Variants in RNF130 observed in about 807,000 individuals in gnomAD.
The protein encoded by RNF130 is ring finger protein 130, also known as E3 ubiquitin-protein ligase RNF130.
Under a neutral mutation model 44.6 loss-of-function variants are expected in RNF130, and 21 were observed. The observed-to-expected ratio is 0.47, with a 90% CI of 0.33 to 0.68. The LOEUF (loss-of-function observed/expected upper bound fraction) is 0.68. RNF130 is among the 30% of genes least tolerant of loss of function. RNF130 has a pLI of 0.02. For missense variants in RNF130, 479 were observed against 560.6 expected, an observed-to-expected ratio of 0.85 and a Z score of 1.47; for synonymous variants, 214 against 210.4, an observed-to-expected ratio of 1.02 and a Z score of -0.15.
intron 1 of RNF130, among the ~76,000 whole-genome samples, chr5:180,070,040 A>C (rs1765208602): frequency 6.6e-6 from 1 of 152,178 alleles, no homozygotes; most frequent in South Asian, 2.1e-4. Flanking sequence ...ACAACACTGC[A>C]GAGGACCAGC....
chr5:180,023,942 A>G (rs1034744150), intron 2 of RNF130, among the ~76,000 whole-genome samples: 1 of 152,244 alleles, frequency 6.6e-6, no homozygotes, highest in East Asian at 1.9e-4. Context: ...ACCAAAGTCA[A>G]CATCACTGGT....
chr5:179,988,656 C>T (rs2113025136), intron 3 of RNF130, among the ~76,000 whole-genome samples: 1 of 152,220 alleles, frequency 6.6e-6, no homozygotes, highest in South Asian at 2.1e-4. Context: ...ATTCATCAAC[C>T]TTATGGCAGT....
chr5:179,916,250 C>T (rs944442714), exon 8 of RNF130: 3 of 152,232 alleles, frequency 2.0e-5, no homozygotes, highest in East Asian at 3.9e-4. Flanking sequence ...TAGCTTCAGC[C>T]GGGCGTGCGT....
chr5:179,950,003 T>C (rs1762101332), intron 7 of RNF130, among the ~76,000 whole-genome samples: 1 of 152,228 alleles, frequency 6.6e-6, no homozygotes, highest in East Asian at 1.9e-4. Flanking sequence ...TTGAAGCTGT[T>C]TTCCTGGGTG....
intron 1 of RNF130, among the ~76,000 whole-genome samples, chr5:180,055,440 T>TTGTG (rs1554107240): frequency 2.0e-5 from 3 of 150,664 alleles, no homozygotes; most frequent in Non-Finnish European, 4.4e-5. Flanking sequence ...TCAGATGACT[T>TTGTG]TGTGTGTGTG....
At chr5:180,036,443 T>A (rs916190030) in intron 2 of RNF130, among the ~76,000 whole-genome samples, 3 of 152,196 alleles carry the variant, frequency 2.0e-5, no homozygotes, top group Non-Finnish European at 4.4e-5. Context: ...AAACTGCCAG[T>A]CCTTGCAGCC....
chr5:179,923,745 C>T (rs1264543298), intron 7 of RNF130, among the ~76,000 whole-genome samples: 1 of 152,180 alleles, frequency 6.6e-6, no homozygotes, highest in Non-Finnish European at 1.5e-5. Flanking sequence ...GAACCTATTT[C>T]GGTCCTGGGG....
At chr5:179,966,779 T>C (rs771391419) in intron 7 of RNF130, 27 bp downstream of exon 7, 17 of 1,599,380 alleles carry the variant, frequency 1.1e-5, no homozygotes, top group Non-Finnish European at 1.5e-5. Flanking sequence ...CCACATGCCC[T>C]GTGCCTGAGC....
rs546361631 is a variant in RNF130, at chr5:180,061,577, T to C, written c.247+9879A>G. 3.3e-5 allele frequency among the ~76,000 whole-genome samples: 5 copies of C among 152,282 alleles called. No homozygotes were observed. In the South Asian group the frequency reaches 1.0e-3, roughly 32 times the overall value. ...CCCAGCGTCTGATGGCTGCTAGCCA[T>C]CCTTTGCACCCGCCGGTTTGTGGCA... is the stretch of plus-strand genomic sequence containing the variant. On this transcript the variant is annotated intron_variant, in intron 1 of 8. Transcript: ENST00000521389.
chr5:179,949,497 TA>T (rs910396885), intron 7 of RNF130, among the ~76,000 whole-genome samples: 39 of 147,882 alleles, frequency 2.6e-4, no homozygotes, highest in African/African-American at 6.0e-4. Flanking sequence ...AAAAATACTT[TA>T]AAAAAAAAAG....
At chr5:179,941,468 G>A (rs1276426074) in intron 7 of RNF130, among the ~76,000 whole-genome samples, 1 of 152,194 alleles carries the variant, frequency 6.6e-6, no homozygotes, top group African/African-American at 2.4e-5. Flanking sequence ...TGGAAGGCCT[G>A]GGATGGTTAT....
At chr5:180,062,312 T>C (rs560871824) in intron 1 of RNF130, among the ~76,000 whole-genome samples, 87 of 151,984 alleles carry the variant, frequency 5.7e-4, no homozygotes, top group African/African-American at 2.1e-3. Context: ...CACCTGCCTC[T>C]GCCTCCCAAA....
intron 1 of RNF130, among the ~76,000 whole-genome samples, chr5:180,056,190 T>C (rs1764816554): frequency 6.6e-6 from 1 of 151,456 alleles, no homozygotes; most frequent in Non-Finnish European, 1.5e-5. Context: ...CTATCAGAAA[T>C]ATAGATTTAT....
intron 6 of RNF130, among the ~76,000 whole-genome samples, chr5:179,969,105 G>C (rs1366441791): frequency 6.6e-6 from 1 of 152,178 alleles, no homozygotes; most frequent in African/African-American, 2.4e-5. Flanking sequence ...TAAACTTTTT[G>C]TTCCATAAGG....
At chr5:180,049,593 A>C (rs1014368281) in intron 1 of RNF130, among the ~76,000 whole-genome samples, 5 of 152,130 alleles carry the variant, frequency 3.3e-5, no homozygotes, top group African/African-American at 1.2e-4. Flanking sequence ...AAGTATTTTA[A>C]ATACTTTGAT....
intron 3 of RNF130, among the ~76,000 whole-genome samples, chr5:180,012,058 C>T (rs1017537398): frequency 8.5e-5 from 13 of 152,060 alleles, no homozygotes; most frequent in African/African-American, 2.7e-4. Context: ...TCACAGTCAG[C>T]GTTTGGGTGT....
At chr5:180,043,557 G>C (rs1764477579) in intron 1 of RNF130, among the ~76,000 whole-genome samples, 1 of 151,820 alleles carries the variant, frequency 6.6e-6, no homozygotes, top group South Asian at 2.1e-4. Flanking sequence ...TCTTTCGACA[G>C]TGTCACAGTC....
At chr5:179,982,587 T>C (rs1366593006) in intron 3 of RNF130, among the ~76,000 whole-genome samples, 1 of 151,998 alleles carries the variant, frequency 6.6e-6, no homozygotes, top group East Asian at 1.9e-4. Flanking sequence ...TGTTTTGTTT[T>C]GTTTTTAAGA....
rs1248809209 is a variant in RNF130 at position 179,933,995 on chromosome 5, C to T, written c.1151-13569G>A. On this transcript the variant is annotated intron_variant, in intron 7 of 7. Coordinates refer to the RNF130 transcript ENST00000522208. ...GGCTGATTATGGCACACTTGTTTAA[C>T]CTGCCTGTGAAGCTCACAACAGTGT... 1.7e-5 allele frequency: 6 copies of T among 346,920 alleles called. No individual in the cohort carries two copies. In the East Asian group the frequency reaches 3.9e-4, roughly 22 times the overall value. 21.5% of individuals were successfully genotyped at this position (346,920 alleles called of 1,614,324 possible).
Sources: gnomAD v4.1 joint callset for allele counts (sites outside exome capture counted in the v4.1 genomes callset) on GRCh38, gnomAD v4.1.1 for gene constraint, MANE v1.5 for transcripts, NCBI Gene and HGNC (gene_info 2026-07-23, HGNC 2026-07-21) for gene names.